RUFY3: variants seen among roughly 807,000 people sequenced by gnomAD.
The protein encoded by RUFY3 is protein RUFY3.
RUFY3 carries 34 observed loss-of-function variants against 84.0 expected under a neutral mutation model. The ratio of observed to expected loss-of-function variants is 0.40; its 90% CI spans 0.31 to 0.54. The LOEUF (loss-of-function observed/expected upper bound fraction) is 0.54. Among genes scored for constraint, RUFY3 ranks in the 20% least tolerant of loss-of-function variants. The pLI, the probability that RUFY3 is intolerant of heterozygous loss-of-function variation, is 0.39. For missense variants in RUFY3, 507 were observed against 736.8 expected, an observed-to-expected ratio of 0.69 and a Z score of 3.61; for synonymous variants, 242 against 252.9, an observed-to-expected ratio of 0.96 and a Z score of 0.41.
intron 1 of RUFY3, among the ~76,000 whole-genome samples, chr4:70,754,298 C>G (rs1009580094): frequency 6.6e-6 from 1 of 152,154 alleles, no homozygotes; most frequent in African/African-American, 2.4e-5. Context: ...GGTAATCCAC[C>G]TGCCTCGGCC....
chr4:70,794,825 AAAAG>A lies in RUFY3; in HGVS notation c.1495_1498del (p.Arg499AspfsTer33), dbSNP rs866962400. ...AGCTTGAGTTAGAACTAAAACAGGA[AAAAG>A]AAAGAAGATTACAAAACGACAGGAG... On this transcript the variant is annotated frameshift_variant, in exon 14 of 18. Coordinates refer to ENST00000381006, the MANE Select transcript of RUFY3 (RefSeq NM_001037442.4). LOFTEE classifies it high-confidence loss of function. 3.1e-6 allele frequency: 5 copies of A among 1,613,056 alleles called. No individual in the cohort carries two copies. Among genetic ancestry groups the A allele is most frequent in the African/African-American group, 1.3e-5 (1 of 74,902 alleles).
intron 1 of RUFY3, among the ~76,000 whole-genome samples, chr4:70,742,949 A>G (rs756556425): frequency 1.3e-5 from 2 of 152,236 alleles, no homozygotes; most frequent in Non-Finnish European, 2.9e-5. Context: ...GTTCAGTGAA[A>G]GAACAAATCA....
chr4:70,755,093 G>A (rs1285493047), intron 1 of RUFY3, among the ~76,000 whole-genome samples: 2 of 152,080 alleles, frequency 1.3e-5, no homozygotes, highest in East Asian at 1.9e-4. Context: ...TAGTAAAGAC[G>A]AGGTTTCACT....
intron 8 of RUFY3, 89 bp downstream of exon 8, chr4:70,778,527 A>C (rs1374510151): frequency 1.4e-6 from 1 of 709,084 alleles, no homozygotes; most frequent in Admixed American, 2.4e-5. Context: ...GAAAGAAAGA[A>C]CTTGACTTTT....
chr4:70,763,753 T>A, intron 3 of RUFY3, 84 bp downstream of exon 3: 1 of 1,474,448 alleles, frequency 6.8e-7, no homozygotes. Flanking sequence ...GACAATTATG[T>A]ACGAATAATT....
chr4:70,773,423 C>A, intron 5 of RUFY3, 88 bp from the exon 6 acceptor site: 1 of 836,242 alleles, frequency 1.2e-6, no homozygotes, highest in Non-Finnish European at 2.0e-6. Context: ...GACTGTATTA[C>A]TGTTTTGAGT....
intron 1 of RUFY3, among the ~76,000 whole-genome samples, chr4:70,726,155 A>G (rs919575512): frequency 2.6e-5 from 4 of 152,156 alleles, no homozygotes; most frequent in African/African-American, 9.7e-5. Flanking sequence ...AGTGAACACC[A>G]AAGGAACAAT....
chr4:70,768,400 T>C, intron 4 of RUFY3, 138 bp from the exon 5 acceptor site: 1 of 716,970 alleles, frequency 1.4e-6, no homozygotes, highest in Non-Finnish European at 2.1e-6. Flanking sequence ...TTTTGTAGTT[T>C]TTTTTTTACT....
At chr4:70,714,173 C>T (rs1452519498) in intron 1 of RUFY3, among the ~76,000 whole-genome samples, 3 of 152,142 alleles carry the variant, frequency 2.0e-5, no homozygotes, top group Non-Finnish European at 4.4e-5. Flanking sequence ...ACTCCAGAGT[C>T]CACATGCTAT....
At chr4:70,778,525 G>T in intron 8 of RUFY3, 87 bp downstream of exon 8, 18 of 566,236 alleles carry the variant, frequency 3.2e-5, no homozygotes, top group Non-Finnish European at 4.2e-5. Flanking sequence ...TGGAAAGAAA[G>T]AACTTGACTT....
chr4:70,704,797 G>A, upstream of RUFY3: 1 of 533,424 alleles, frequency 1.9e-6, no homozygotes, highest in Non-Finnish European at 2.8e-6. Flanking sequence ...CCAGGCGCCA[G>A]CCCGTGGCCG....
At chr4:70,705,868 A>G (rs941321110) in intron 1 of RUFY3, among the ~76,000 whole-genome samples, 1 of 152,216 alleles carries the variant, frequency 6.6e-6, no homozygotes, top group African/African-American at 2.4e-5. Flanking sequence ...GCCGGTAAAT[A>G]TGACAGATCC....
intron 1 of RUFY3, among the ~76,000 whole-genome samples, chr4:70,742,533 T>C (rs1364688765): frequency 6.6e-6 from 1 of 152,228 alleles, no homozygotes; most frequent in Non-Finnish European, 1.5e-5. Flanking sequence ...TCAGTCCTTA[T>C]GGGATTTCCA....
intron 16 of RUFY3, among the ~76,000 whole-genome samples, chr4:70,803,578 C>T (rs564669384): frequency 2.0e-5 from 3 of 152,060 alleles, no homozygotes; most frequent in Non-Finnish European, 2.9e-5. Flanking sequence ...TTCTGCCTCC[C>T]GAGTAGCTAG....
chr4:70,780,278 G>T (rs1728689057), intron 8 of RUFY3, among the ~76,000 whole-genome samples: 1 of 150,598 alleles, frequency 6.6e-6, no homozygotes, highest in Admixed American at 6.6e-5. Flanking sequence ...TTGTTTTTTT[G>T]TTTTGTTTTG....
intron 1 of RUFY3, chr4:70,734,594 G>A (rs1719980833): frequency 1.8e-5 from 18 of 983,818 alleles, no homozygotes; most frequent in Non-Finnish European, 2.2e-5. Context: ...CCCTTTCAAG[G>A]TAAGTTTTAC....
At chr4:70,710,677 C>CAA (rs895756878) in intron 1 of RUFY3, among the ~76,000 whole-genome samples, 1 of 147,472 alleles carries the variant, frequency 6.8e-6, no homozygotes, top group South Asian at 2.1e-4. Flanking sequence ...TCTCAAAAAA[C>CAA]AAAAAAAAAG....
rs59880902 is a variant in RUFY3 at position 70,722,414 on chromosome 4, C to CT, written c.-146dup. ...GTTCTTAACCTATAAGGTATTTTTC[C>CT]TTTTTTTTTTTTTTAAACCTCCCCC... is the stretch of plus-strand genomic sequence containing the variant. On this transcript the variant is annotated 5_prime_UTR_variant, in exon 1 of 18. Transcript: ENST00000381006. 0.016 allele frequency: 18,904 copies of CT among 1,189,884 alleles called. 1 individual carries two copies. The highest frequency in any genetic ancestry group is 0.017 in the South Asian group (585 of 34,296). 73.7% of individuals were successfully genotyped at this position (1,189,884 alleles called of 1,614,324 possible).
intron 12 of RUFY3, chr4:70,791,475 A>G: frequency 7.2e-7 from 1 of 1,394,226 alleles, no homozygotes; most frequent in Non-Finnish European, 9.3e-7. Context: ...TTTTTTTCTT[A>G]TTGTTTTCTC....
Sources: allele counts gnomAD v4.1 joint callset (sites outside exome capture counted in the v4.1 genomes callset), GRCh38; gene constraint gnomAD v4.1.1; transcripts MANE v1.5; gene names NCBI Gene and HGNC (gene_info 2026-07-23, HGNC 2026-07-21).